Variants in NAALADL2 observed in about 807,000 individuals in gnomAD.
NAALADL2 encodes N-acetylated alpha-linked acidic dipeptidase like 2, also known as inactive N-acetylated-alpha-linked acidic dipeptidase-like protein 2.
A neutral mutation model predicts 87.2 loss-of-function variants in NAALADL2; 76 were observed. The observed-to-expected ratio is 0.87, with a 90% confidence interval of 0.72 to 1.05. NAALADL2 has a LOEUF of 1.05. Ranked by LOEUF, NAALADL2 falls within the 50% of genes least tolerant of loss-of-function variation. NAALADL2 has a pLI of 0.00. For missense variants in NAALADL2, 1,089 were observed against 945.8 expected (o/e 1.15, Z -1.99); for synonymous variants, 354 against 331.0 (o/e 1.07, Z -0.75).
At chr3:174,609,618 G>C (rs1459215792) in intron 2 of NAALADL2, among the ~76,000 whole-genome samples, 2 of 152,044 alleles carry the variant, frequency 1.3e-5, no homozygotes, top group Non-Finnish European at 2.9e-5. Flanking sequence ...GGACATGAAG[G>C]ACCTCTTCAA....
At chr3:175,349,439 G>A (rs1380879243) in intron 5 of NAALADL2, among the ~76,000 whole-genome samples, 3 of 152,012 alleles carry the variant, frequency 2.0e-5, no homozygotes, top group Non-Finnish European at 2.9e-5. Flanking sequence ...GGGAAATGAG[G>A]CATAAAGCTT....
At chr3:174,993,997 A>G (rs954197059) in intron 1 of NAALADL2, among the ~76,000 whole-genome samples, 2 of 152,172 alleles carry the variant, frequency 1.3e-5, no homozygotes, top group East Asian at 1.9e-4. Flanking sequence ...TAGGGCATCA[A>G]TCATTTTAGA....
intron 11 of NAALADL2, among the ~76,000 whole-genome samples, chr3:175,678,161 TC>T (rs1362088131): frequency 1.3e-5 from 2 of 152,208 alleles, no homozygotes; most frequent in African/African-American, 4.8e-5. Context: ...GTATATTTTA[TC>T]ATTGAAAATA....
At chr3:174,995,403 C>A (rs1432691014) in intron 1 of NAALADL2, among the ~76,000 whole-genome samples, 2 of 152,090 alleles carry the variant, frequency 1.3e-5, no homozygotes, top group East Asian at 3.9e-4. Context: ...AAACTGATAG[C>A]TTTAAAGAAT....
At chr3:174,775,720 G>A (rs1039178545) in intron 3 of NAALADL2, among the ~76,000 whole-genome samples, 1 of 152,118 alleles carries the variant, frequency 6.6e-6, no homozygotes, top group Non-Finnish European at 1.5e-5. Flanking sequence ...TCCACTGGGA[G>A]GAAATGACCA....
chr3:175,663,425 T>C (rs1732541152), intron 11 of NAALADL2, among the ~76,000 whole-genome samples: 1 of 151,850 alleles, frequency 6.6e-6, no homozygotes, highest in Admixed American at 6.6e-5. Context: ...CTGATTTTAT[T>C]TGAATATTCT....
At chr3:174,703,749 G>C (rs912578670) in intron 2 of NAALADL2, among the ~76,000 whole-genome samples, 2 of 152,026 alleles carry the variant, frequency 1.3e-5, no homozygotes, top group Non-Finnish European at 2.9e-5. Flanking sequence ...CCAAGACAGG[G>C]GACCGAGTTT....
intron 9 of NAALADL2, among the ~76,000 whole-genome samples, chr3:175,556,203 G>A (rs1034149012): frequency 6.6e-6 from 1 of 152,038 alleles, no homozygotes; most frequent in African/African-American, 2.4e-5. Context: ...CAAGGGAGAA[G>A]CTTTTGAAGC....
intron 4 of NAALADL2, among the ~76,000 whole-genome samples, chr3:175,270,672 C>T (rs1752696214): frequency 6.6e-6 from 1 of 152,130 alleles, no homozygotes; most frequent in Admixed American, 6.5e-5. Context: ...ATGAATATTT[C>T]ATAAGAATCG....
intron 1 of NAALADL2, among the ~76,000 whole-genome samples, chr3:175,010,269 C>T (rs1358650515): frequency 1.3e-5 from 2 of 152,096 alleles, no homozygotes; most frequent in Non-Finnish European, 2.9e-5. Flanking sequence ...AAATAACAGC[C>T]ATATGGCCTA....
At chr3:175,133,211 G>A (rs1351403548) in intron 2 of NAALADL2, among the ~76,000 whole-genome samples, 1 of 150,878 alleles carries the variant, frequency 6.6e-6, no homozygotes, top group Non-Finnish European at 1.5e-5. Context: ...GATGGCGGCC[G>A]GGCAGAGACG....
intron 2 of NAALADL2, among the ~76,000 whole-genome samples, chr3:175,124,842 T>C (rs1355209486): frequency 6.6e-6 from 1 of 152,040 alleles, no homozygotes; most frequent in Non-Finnish European, 1.5e-5. Flanking sequence ...TATGAGATAA[T>C]GTCCTCTCAT....
At chr3:175,567,903 A>C (rs1717454901) in intron 9 of NAALADL2, among the ~76,000 whole-genome samples, 1 of 151,858 alleles carries the variant, frequency 6.6e-6, no homozygotes, top group Non-Finnish European at 1.5e-5. Context: ...TTTGGTAGAG[A>C]CACAGTTTCG....
chr3:175,505,597 C>T (rs1344077135), intron 9 of NAALADL2, among the ~76,000 whole-genome samples: 1 of 151,666 alleles, frequency 6.6e-6, no homozygotes, highest in Admixed American at 6.6e-5. Context: ...CTGAAATGTA[C>T]GTAAGCTGAG....
chr3:175,408,191 GT>G (rs1234167400), intron 5 of NAALADL2, among the ~76,000 whole-genome samples: 2 of 152,034 alleles, frequency 1.3e-5, no homozygotes, highest in African/African-American at 4.8e-5. Flanking sequence ...AGAGAACTCA[GT>G]TTTGGTGATC....
At chr3:175,701,249 T>G (rs1738953146) in intron 11 of NAALADL2, among the ~76,000 whole-genome samples, 8 of 152,156 alleles carry the variant, frequency 5.3e-5, no homozygotes, top group Admixed American at 5.2e-4. Context: ...GGAGCATATT[T>G]GGCTTTTCCT....
intron 11 of NAALADL2, among the ~76,000 whole-genome samples, chr3:175,630,348 T>C (rs919349335): frequency 2.6e-5 from 4 of 151,822 alleles, no homozygotes; most frequent in Admixed American, 2.0e-4. Context: ...TGTTTTATTT[T>C]CTACGACAAA....
rs147848272 is a variant in NAALADL2, at chr3:174,554,724, T to C, written c.-115+4087T>C. On this transcript the variant is annotated intron_variant, in intron 2 of 3. Coordinates refer to the NAALADL2 transcript ENST00000434257. ...GTACCAGTTCACACTTCTGTATTTATGGTATGCAATTCAAAAAATTTTTTG... is the reference window on the plus strand; with the variant it reads ...GTACCAGTTCACACTTCTGTATTTACGGTATGCAATTCAAAAAATTTTTTG... Among the ~76,000 whole-genome samples, 410 of 152,352 alleles carry C rather than the reference T, an allele frequency of 2.7e-3. 1 individual carries two copies. The highest frequency in any genetic ancestry group is 9.0e-3 in the African/African-American group (374 of 41,588).
At chr3:174,541,283 C>G (rs1722195819) in intron 1 of NAALADL2, among the ~76,000 whole-genome samples, 1 of 152,162 alleles carries the variant, frequency 6.6e-6, no homozygotes, top group African/African-American at 2.4e-5. Context: ...AATTTTCTCA[C>G]AAATTCTGTT....
Sources: gnomAD v4.1 joint callset for allele counts (sites outside exome capture counted in the v4.1 genomes callset) on GRCh38, gnomAD v4.1.1 for gene constraint, MANE v1.5 for transcripts, NCBI Gene and HGNC (gene_info 2026-07-23, HGNC 2026-07-21) for gene names.